Variants in CCDC171 observed in about 807,000 individuals in gnomAD.
CCDC171 encodes the protein coiled-coil domain containing 171.
CCDC171 carries 177 observed loss-of-function variants against 168.2 expected under a neutral mutation model. That is an observed-to-expected ratio of 1.05 (90% CI 0.93 to 1.19). The LOEUF (loss-of-function observed/expected upper bound fraction) is 1.19, where lower values mean the gene tolerates loss of function less well. Ranked by LOEUF, CCDC171 falls within the 50% of genes most tolerant of loss-of-function variation. The pLI is 0.00. For synonymous variants in CCDC171, 687 were observed against 540.8 expected, an observed-to-expected ratio of 1.27 and a Z score of -3.75; for missense variants, 1,991 against 1,539.0, an observed-to-expected ratio of 1.29 and a Z score of -4.91.
At chr9:15,951,924 C>G (rs1427878406) in intron 25 of CCDC171, among the ~76,000 whole-genome samples, 1 of 151,990 alleles carries the variant, frequency 6.6e-6, no homozygotes, top group African/African-American at 2.4e-5. Context: ...GTGTCAAATT[C>G]CACAAATCTT....
At chr9:15,857,721 G>T (rs1458381442) in intron 23 of CCDC171, among the ~76,000 whole-genome samples, 1 of 151,828 alleles carries the variant, frequency 6.6e-6, no homozygotes, top group Non-Finnish European at 1.5e-5. Context: ...ACCGTGCCTG[G>T]CCCAGTTTCA....
chr9:15,968,214 G>A lies in CCDC171; in HGVS notation c.3754-3395G>A, dbSNP rs559147414. Among the ~76,000 whole-genome samples, 15 of 152,236 alleles carry A rather than the reference G, an allele frequency of 9.9e-5. No individual in the cohort carries two copies. In the South Asian group the frequency reaches 2.9e-3, roughly 29 times the overall value. ...ACATGACGCCTAGCTTTTATTTAAG[G>A]TAACTAATTTCCTTTTGAAAAACTG... On this transcript the variant is annotated intron_variant, in intron 25 of 25. Transcript: ENST00000380701.
At chr9:15,655,717 A>C (rs759227894) in intron 7 of CCDC171, among the ~76,000 whole-genome samples, 1 of 152,242 alleles carries the variant, frequency 6.6e-6, no homozygotes, top group Non-Finnish European at 1.5e-5. Flanking sequence ...GTAATACGAA[A>C]ATAAACAGCT....
At chr9:15,614,648 C>A (rs557079322) in intron 6 of CCDC171, among the ~76,000 whole-genome samples, 70 of 152,086 alleles carry the variant, frequency 4.6e-4, no homozygotes, top group Non-Finnish European at 1.3e-4. Context: ...TTTTAAATAC[C>A]CATTTCTCTT....
chr9:15,790,345 A>G (rs149110739), intron 21 of CCDC171, among the ~76,000 whole-genome samples: 1,910 of 152,314 alleles, frequency 0.013, 59 homozygotes, highest in African/African-American at 0.043. Flanking sequence ...TCTAATGGCC[A>G]GTGATGATGA....
intron 2 of CCDC171, among the ~76,000 whole-genome samples, chr9:15,565,521 A>G (rs578178738): frequency 1.5e-4 from 23 of 152,302 alleles, no homozygotes; most frequent in African/African-American, 5.3e-4. Flanking sequence ...TTTTATAATT[A>G]GAGAATCTGG....
chr9:15,628,558 A>C (rs1432310207), intron 7 of CCDC171, among the ~76,000 whole-genome samples: 1 of 152,222 alleles, frequency 6.6e-6, no homozygotes, highest in Non-Finnish European at 1.5e-5. Flanking sequence ...ACCACAGCTC[A>C]AGGAGGCCTG....
chr9:15,639,828 A>T (rs1221580157), intron 7 of CCDC171, among the ~76,000 whole-genome samples: 1 of 152,190 alleles, frequency 6.6e-6, no homozygotes, highest in Non-Finnish European at 1.5e-5. Context: ...TCTGGAAAAC[A>T]AATATGTTTT....
chr9:15,623,485 A>ACACACACACACACG, intron 7 of CCDC171, 72 bp downstream of exon 7: 1 of 559,938 alleles, frequency 1.8e-6, no homozygotes. Context: ...GCACACACAC[A>ACACACACACACACG]CACACACACA....
intron 24 of CCDC171, among the ~76,000 whole-genome samples, chr9:15,918,795 C>G (rs1287707985): frequency 6.6e-6 from 1 of 151,406 alleles, no homozygotes; most frequent in Non-Finnish European, 1.5e-5. Flanking sequence ...ATAATTTATT[C>G]ATTAGATTAG....
intron 24 of CCDC171, among the ~76,000 whole-genome samples, chr9:15,894,465 C>T (rs940535336): frequency 2.6e-5 from 4 of 151,902 alleles, no homozygotes; most frequent in Non-Finnish European, 5.9e-5. Flanking sequence ...TCATTTTTGC[C>T]ATTCCTCCCT....
chr9:15,663,041 C>G (rs934664747), intron 8 of CCDC171, among the ~76,000 whole-genome samples: 1 of 152,096 alleles, frequency 6.6e-6, no homozygotes, highest in African/African-American at 2.4e-5. Flanking sequence ...TGATTAGATC[C>G]TTGTAGCCAC....
Position 16,026,957 on chromosome 9 carries a change from T to C in CCDC171, n.998+4049T>C, listed in dbSNP as rs558520408. Among the ~76,000 whole-genome samples, 458 of 152,328 alleles carry C rather than the reference T, an allele frequency of 3.0e-3. 2 individuals carry two copies. Among genetic ancestry groups the C allele is most frequent in the Non-Finnish European group, 4.7e-3 (322 of 68,030 alleles). ...CTCAGTCTTTATAATTTATTGCTCATGCAGCATGGTCATCTGTTTCCAACC... is the reference window on the plus strand; with the variant it reads ...CTCAGTCTTTATAATTTATTGCTCACGCAGCATGGTCATCTGTTTCCAACC... On this transcript the variant is annotated intron_variant and non_coding_transcript_variant, in intron 6 of 9. Coordinates refer to the CCDC171 transcript ENST00000486641.
intron 6 of CCDC171, among the ~76,000 whole-genome samples, chr9:15,615,672 A>T (rs2044026632): frequency 6.6e-6 from 1 of 152,130 alleles, no homozygotes; most frequent in South Asian, 2.1e-4. Context: ...ATTAAATTTA[A>T]ACTTGGTGGA....
Position 15,660,634 on chromosome 9 carries a change from G to T in CCDC171, c.915+3415G>T, listed in dbSNP as rs192335011. Among the ~76,000 whole-genome samples the T allele has an allele frequency of 4.1e-4, 63 of 152,296 alleles. No homozygotes were observed. In the East Asian group the frequency reaches 7.3e-3, roughly 18 times the overall value. ...AAGGGCTTCCAGCTGCATCCATGTT[G>T]TAGCATAGGACATGATTTTGTTCTT... On this transcript the variant is annotated intron_variant, in intron 8 of 25. Transcript: ENST00000380701.
chr9:15,908,628 C>T (rs1191847081), intron 24 of CCDC171, among the ~76,000 whole-genome samples: 1 of 152,120 alleles, frequency 6.6e-6, no homozygotes, highest in Non-Finnish European at 1.5e-5. Context: ...ACGTTGTGCA[C>T]CTGTACCCTA....
chr9:15,833,557 C>G (rs909924317), intron 21 of CCDC171, among the ~76,000 whole-genome samples: 13 of 152,056 alleles, frequency 8.5e-5, no homozygotes, highest in Admixed American at 1.3e-4. Flanking sequence ...TGCCAAAATA[C>G]TTTATTAATA....
intron 24 of CCDC171, among the ~76,000 whole-genome samples, chr9:15,887,517 T>C (rs1452396348): frequency 1.3e-5 from 2 of 152,110 alleles, no homozygotes; most frequent in African/African-American, 4.8e-5. Context: ...AATTTTAAGG[T>C]ATTTGTTTGA....
the CCDC171 span, among the ~76,000 whole-genome samples, chr9:16,083,643 G>C: frequency 6.6e-6 from 1 of 152,182 alleles, no homozygotes; most frequent in Non-Finnish European, 1.5e-5. Flanking sequence ...GAAAGACCTA[G>C]CCACACATTC....
Sources: gnomAD v4.1 joint callset for allele counts (sites outside exome capture counted in the v4.1 genomes callset) on GRCh38, gnomAD v4.1.1 for gene constraint, MANE v1.5 for transcripts, NCBI Gene and HGNC (gene_info 2026-07-23, HGNC 2026-07-21) for gene names.